Variants in CNN3 observed in about 807,000 individuals in gnomAD.
CNN3 encodes calponin-3.
A neutral mutation model predicts 39.0 loss-of-function variants in CNN3; 11 were observed. The observed-to-expected ratio is 0.28, with a 90% CI of 0.18 to 0.47. The LOEUF is 0.47. Ranked by LOEUF, CNN3 falls within the 20% of genes least tolerant of loss-of-function variation. The probability of loss-of-function intolerance (pLI) is 0.99; values close to 1 mark genes in which losing one functional copy is unlikely to be tolerated. For synonymous variants in CNN3, 101 were observed against 138.3 expected (o/e 0.73, Z 1.89); for missense variants, 266 against 403.4 (o/e 0.66, Z 2.92).
intron 1 of CNN3, among the ~76,000 whole-genome samples, chr1:94,907,763 G>A (rs535825636): frequency 1.3e-5 from 2 of 152,326 alleles, no homozygotes; most frequent in South Asian, 2.1e-4. Flanking sequence ...GGGAGGCTGA[G>A]GCAGGAGAAT....
At chr1:94,920,096 G>T (rs1207199697) in intron 1 of CNN3, among the ~76,000 whole-genome samples, 1 of 152,186 alleles carries the variant, frequency 6.6e-6, no homozygotes, top group Non-Finnish European at 1.5e-5. Context: ...TTATTTAAAA[G>T]GAATCAACCT....
chr1:94,905,088 T>C (rs567329171), intron 1 of CNN3, among the ~76,000 whole-genome samples: 38 of 152,190 alleles, frequency 2.5e-4, no homozygotes, highest in African/African-American at 6.7e-4. Flanking sequence ...CCAGAGCATA[T>C]AGGACTGTGG....
chr1:94,902,971 C>T, intron 3 of CNN3, 151 bp downstream of exon 3: 1 of 523,312 alleles, frequency 1.9e-6, no homozygotes, highest in Non-Finnish European at 3.2e-6. Context: ...ATTAAATATG[C>T]ACAAATTTCT....
chr1:94,901,605 T>C, intron 5 of CNN3, 64 bp downstream of exon 5: 1 of 1,159,520 alleles, frequency 8.6e-7, no homozygotes, highest in Non-Finnish European at 1.3e-6. Context: ...AGGCTTAATA[T>C]TTTGCATGGT....
intron 4 of CNN3, 157 bp from the exon 5 acceptor site, chr1:94,901,942 T>C (rs1233205738): frequency 8.4e-6 from 6 of 711,036 alleles, no homozygotes; most frequent in Non-Finnish European, 1.4e-5. Context: ...AATGTGAGTG[T>C]TCTAAGTAAG....
chr1:94,903,086 C>A, intron 3 of CNN3, 36 bp downstream of exon 3: 2 of 1,430,820 alleles, frequency 1.4e-6, no homozygotes, highest in South Asian at 3.2e-5. Flanking sequence ...TAAAATGCAA[C>A]CAACTAGAAC....
intron 1 of CNN3, among the ~76,000 whole-genome samples, chr1:94,904,759 CA>C (rs34143466): frequency 2.7e-5 from 4 of 149,678 alleles, no homozygotes; most frequent in Non-Finnish European, 3.0e-5. Flanking sequence ...GCCCCACTGC[CA>C]AAAAAAAACC....
At chr1:94,918,498 AAAATAAAAT>A (rs1411160600) in intron 1 of CNN3, among the ~76,000 whole-genome samples, 3 of 75,310 alleles carry the variant, frequency 4.0e-5, no homozygotes, top group Non-Finnish European at 9.6e-5. Context: ...TCTCCCAAAA[AAAATAAAAT>A]AAAAAAAAAA....
At chr1:94,921,150 T>C (rs766824596) in intron 1 of CNN3, among the ~76,000 whole-genome samples, 11 of 152,172 alleles carry the variant, frequency 7.2e-5, no homozygotes, top group South Asian at 2.1e-4. Context: ...TCCCAGCTCT[T>C]TGGGAGGCCA....
chr1:94,912,077 A>T (rs935264630), intron 1 of CNN3, among the ~76,000 whole-genome samples: 3 of 151,906 alleles, frequency 2.0e-5, no homozygotes, highest in Admixed American at 6.6e-5. Context: ...AAAAAAAAAA[A>T]TTTTATATAT....
intron 1 of CNN3, among the ~76,000 whole-genome samples, chr1:94,905,438 G>A (rs1200826662): frequency 6.6e-6 from 1 of 152,082 alleles, no homozygotes; most frequent in East Asian, 1.9e-4. Context: ...CTGTTTTCAG[G>A]GCCTCTTTTC....
At chr1:94,914,507 A>C (rs1036746997) in intron 1 of CNN3, among the ~76,000 whole-genome samples, 2 of 152,152 alleles carry the variant, frequency 1.3e-5, no homozygotes, top group African/African-American at 2.4e-5. Flanking sequence ...TGCCAACCCC[A>C]AAACTGAGTC....
chr1:94,904,959 T>C (rs74101908), intron 1 of CNN3, among the ~76,000 whole-genome samples: 110 of 152,246 alleles, frequency 7.2e-4, no homozygotes, highest in African/African-American at 2.5e-3. Context: ...GGTTTAATCA[T>C]TGGAAGAAAT....
chr1:94,911,243 G>A (rs1300351684), intron 1 of CNN3, among the ~76,000 whole-genome samples: 1 of 152,116 alleles, frequency 6.6e-6, no homozygotes, highest in Non-Finnish European at 1.5e-5. Flanking sequence ...GATTTGATGC[G>A]GAGGAACTAG....
At chr1:94,921,272 G>T (rs1260496003) in intron 1 of CNN3, among the ~76,000 whole-genome samples, 2 of 152,306 alleles carry the variant, frequency 1.3e-5, no homozygotes, top group African/African-American at 4.8e-5. Flanking sequence ...GCAGGTGCCT[G>T]TAATTCCAGC....
At chr1:94,925,483 T>C in intron 1 of CNN3, 1 of 505,252 alleles carries the variant, frequency 2.0e-6, no homozygotes, top group Non-Finnish European at 2.6e-6. Flanking sequence ...GGCAACACGT[T>C]TGAAAAGGTA....
intron 1 of CNN3, among the ~76,000 whole-genome samples, chr1:94,904,038 C>T (rs1571519340): frequency 1.3e-5 from 2 of 152,148 alleles, no homozygotes; most frequent in Non-Finnish European, 2.9e-5. Context: ...TAAACACACA[C>T]ACACACACTT....
intron 2 of CNN3, 27 bp downstream of exon 2, chr1:94,903,376 A>C: frequency 6.4e-7 from 1 of 1,560,448 alleles, no homozygotes; most frequent in South Asian, 1.2e-5. Flanking sequence ...GAAGAGCAGA[A>C]ACAGATTCTG....
rs969565747 is a variant in CNN3, at chr1:94,901,953, C to T, written c.384+168G>A. On this transcript the variant is annotated intron_variant, in intron 4 of 6. Transcript: ENST00000370206. ...TTGAAATGTGAGTGTTCTAAGTAAG[C>T]TATCTAGTACGATGCAGCTGATGTC... 2.1e-5 allele frequency: 15 copies of T among 714,226 alleles called. No individual in the cohort carries two copies. The Admixed American group carries it at 3.3e-4, about 16-fold the overall frequency. 44.2% of individuals were successfully genotyped at this position (714,226 alleles called of 1,614,324 possible). A position where few individuals can be genotyped will look rare whatever the true frequency, so the allele number is the denominator to read the frequency against.
Sources: allele counts gnomAD v4.1 joint callset (sites outside exome capture counted in the v4.1 genomes callset), GRCh38; gene constraint gnomAD v4.1.1; transcripts MANE v1.5; gene names NCBI Gene and HGNC (gene_info 2026-07-23, HGNC 2026-07-21).